The following UNC5C variants were observed in gnomAD, a reference collection of about 807,000 sequenced individuals.
The protein encoded by UNC5C is unc-5 netrin receptor C.
Under a neutral mutation model 99.8 loss-of-function variants are expected in UNC5C, and 47 were observed. The ratio of observed to expected loss-of-function variants is 0.47; its 90% CI spans 0.37 to 0.60. UNC5C has a LOEUF of 0.60. Ranked by LOEUF, UNC5C falls within the 20% of genes least tolerant of loss-of-function variation. UNC5C has a pLI of 0.00. For synonymous variants in UNC5C, 487 were observed against 452.2 expected, an observed-to-expected ratio of 1.08 and a Z score of -0.98; for missense variants, 1,062 against 1,165.9, an observed-to-expected ratio of 0.91 and a Z score of 1.30.
intron 1 of UNC5C, among the ~76,000 whole-genome samples, chr4:95,481,036 G>A (rs1470675639): frequency 4.7e-5 from 7 of 150,008 alleles, no homozygotes; most frequent in Non-Finnish European, 1.0e-4. Context: ...AGGAAATAAA[G>A]GGTATTCAAT....
intron 2 of UNC5C, among the ~76,000 whole-genome samples, chr4:95,326,984 C>G (rs1326709461): frequency 1.3e-5 from 2 of 152,144 alleles, no homozygotes; most frequent in East Asian, 3.8e-4. Flanking sequence ...TTTGCAATGT[C>G]TTTTCTCTGT....
At chr4:95,193,506 C>G (rs1043617533) in intron 12 of UNC5C, among the ~76,000 whole-genome samples, 1 of 152,214 alleles carries the variant, frequency 6.6e-6, no homozygotes, top group Non-Finnish European at 1.5e-5. Flanking sequence ...CTTCAAAAGG[C>G]CAGCCCTCAA....
At chr4:95,180,829 C>T (rs1736582029) in intron 14 of UNC5C, among the ~76,000 whole-genome samples, 1 of 152,178 alleles carries the variant, frequency 6.6e-6, no homozygotes, top group Non-Finnish European at 1.5e-5. Context: ...TGCCATCTTG[C>T]CCTGTGACCC....
intron 1 of UNC5C, among the ~76,000 whole-genome samples, chr4:95,503,282 A>G (rs1160033949): frequency 6.6e-6 from 1 of 152,104 alleles, no homozygotes; most frequent in Non-Finnish European, 1.5e-5. Flanking sequence ...CACAGCAAGA[A>G]GGCCCTAGAA....
chr4:95,181,915 G>A (rs903197660), intron 14 of UNC5C, among the ~76,000 whole-genome samples: 4 of 152,208 alleles, frequency 2.6e-5, no homozygotes, highest in South Asian at 2.1e-4. Context: ...ATGACACAAC[G>A]AGGGAGAGGT....
At chr4:95,401,404 T>G (rs142744222) in intron 1 of UNC5C, among the ~76,000 whole-genome samples, 2 of 152,248 alleles carry the variant, frequency 1.3e-5, no homozygotes, top group South Asian at 4.1e-4. Flanking sequence ...TAGGCTCAAG[T>G]GATTCTCCCA....
intron 1 of UNC5C, among the ~76,000 whole-genome samples, chr4:95,457,548 T>C (rs1255188565): frequency 2.6e-5 from 4 of 151,856 alleles, no homozygotes; most frequent in Admixed American, 6.6e-5. Context: ...GCTGAACGGC[T>C]TCTGGTCTAC....
In UNC5C at chr4:95,301,654, T is replaced by C; in HGVS notation, c.442A>G (p.Ser148Gly). 1 of 1,613,852 alleles carries C rather than the reference T, an allele frequency of 6.2e-7. No individual in the cohort carries two copies. Among genetic ancestry groups the C allele is most frequent in the Non-Finnish European group, 8.5e-7 (1 of 1,180,020 alleles). Residue 148 changes from serine (S) to glycine (G), a missense_variant, in exon 3 of 16, where the codon AGC becomes GGC. This residue lies in a region of UNC5C where 249 missense variants were observed against 295.1 expected (regional missense o/e 0.84). Transcript: ENST00000453304. ...CGGCTCTTTGTGGTACCCGCGGAGC[T>C]CCAGGCCACACACTGGCACCAGTAA... Reference protein sequence around the residue: ...EDYWCQCVAWSSAGTTKSRKA... With the variant: ...EDYWCQCVAWGSAGTTKSRKA...
intron 1 of UNC5C, among the ~76,000 whole-genome samples, chr4:95,345,137 A>G (rs1238136539): frequency 6.6e-6 from 1 of 152,026 alleles, no homozygotes; most frequent in East Asian, 1.9e-4. Flanking sequence ...AAAGGAACAC[A>G]TAGACTGAAA....
intron 1 of UNC5C, among the ~76,000 whole-genome samples, chr4:95,442,887 C>A (rs978977567): frequency 6.6e-6 from 1 of 151,990 alleles, no homozygotes; most frequent in Non-Finnish European, 1.5e-5. Context: ...GTATGTATAG[C>A]TTCTTCTTGT....
intron 4 of UNC5C, among the ~76,000 whole-genome samples, chr4:95,277,076 T>C (rs1740888837): frequency 6.6e-6 from 1 of 152,284 alleles, no homozygotes; most frequent in South Asian, 2.1e-4. Context: ...TTGAAAAAAA[T>C]GGAAAACTAT....
intron 14 of UNC5C, among the ~76,000 whole-genome samples, chr4:95,175,509 G>C (rs1378857297): frequency 2.6e-5 from 4 of 151,518 alleles, no homozygotes; most frequent in Non-Finnish European, 5.9e-5. Context: ...ATGAAGCTTA[G>C]TTTGGCTGGA....
chr4:95,175,725 G>A (rs947724769), intron 14 of UNC5C, among the ~76,000 whole-genome samples: 1 of 152,042 alleles, frequency 6.6e-6, no homozygotes, highest in African/African-American at 2.4e-5. Context: ...ATGTGTCTTG[G>A]ACTTTCTCTT....
chr4:95,397,167 T>C (rs1579382777), intron 1 of UNC5C, among the ~76,000 whole-genome samples: 1 of 152,332 alleles, frequency 6.6e-6, no homozygotes, highest in South Asian at 2.1e-4. Flanking sequence ...AAGGAATTTC[T>C]TAAAGAACGT....
In UNC5C at chr4:95,229,935, C is replaced by T. The variant is rs1407430103; in HGVS notation, c.1109-9759G>A. On this transcript the variant is annotated intron_variant, in intron 7 of 15. Transcript: ENST00000453304. ...AAGCGATTCTCCTGCCTCAGCCTCCCGAGTAGCTGGGATTACAGTCGTCTG... is the reference window on the plus strand; with the variant it reads ...AAGCGATTCTCCTGCCTCAGCCTCCTGAGTAGCTGGGATTACAGTCGTCTG... Among the ~76,000 whole-genome samples, 14 of 151,618 alleles carry T rather than the reference C, an allele frequency of 9.2e-5. No homozygotes were observed. The East Asian group carries it at 1.2e-3, about 13-fold the overall frequency.
intron 1 of UNC5C, among the ~76,000 whole-genome samples, chr4:95,542,118 A>G (rs909553985): frequency 6.6e-6 from 1 of 152,174 alleles, no homozygotes; most frequent in Non-Finnish European, 1.5e-5. Context: ...ATTTTAAAAT[A>G]AGTAAGACTG....
At chr4:95,294,183 C>T (rs1431603199) in intron 3 of UNC5C, among the ~76,000 whole-genome samples, 1 of 152,188 alleles carries the variant, frequency 6.6e-6, no homozygotes, top group Non-Finnish European at 1.5e-5. Context: ...ATTGTGGCTA[C>T]TAGAAAAGTG....
At chr4:95,493,162 A>C (rs916126568) in intron 1 of UNC5C, among the ~76,000 whole-genome samples, 6 of 151,450 alleles carry the variant, frequency 4.0e-5, no homozygotes, top group African/African-American at 1.5e-4. Flanking sequence ...GAATGCAATA[A>C]TAAATTCAGG....
intron 1 of UNC5C, among the ~76,000 whole-genome samples, chr4:95,536,283 C>T (rs1264784800): frequency 1.3e-5 from 2 of 152,030 alleles, no homozygotes; most frequent in Admixed American, 1.3e-4. Flanking sequence ...ACCAGGTTGG[C>T]TAGGCTGGTC....
Sources: gnomAD v4.1 joint callset for allele counts (sites outside exome capture counted in the v4.1 genomes callset) on GRCh38, gnomAD v4.1.1 for gene constraint, gnomAD v4.1.1 regional missense constraint, MANE v1.5 for transcripts, NCBI Gene and HGNC (gene_info 2026-07-23, HGNC 2026-07-21) for gene names.